The following KCNQ2 variants were observed in gnomAD, a reference collection of about 807,000 sequenced individuals.
KCNQ2 encodes potassium voltage-gated channel subfamily Q member 2.
KCNQ2 carries 14 observed loss-of-function variants against 84.8 expected under a neutral mutation model. That is an observed-to-expected ratio of 0.17 (90% CI 0.11 to 0.26). The LOEUF is 0.26. Ranked by LOEUF, KCNQ2 falls within the 10% of genes least tolerant of loss-of-function variation. The probability of loss-of-function intolerance (pLI) is 1.00; values close to 1 mark genes in which losing one functional copy is unlikely to be tolerated. For missense variants in KCNQ2, 788 were observed against 1,254.0 expected (o/e 0.63, Z 5.61); for synonymous variants, 599 against 554.1 (o/e 1.08, Z -1.14).
intron 4 of KCNQ2, among the ~76,000 whole-genome samples, chr20:63,443,439 TCACCAC>T (rs1568937880): frequency 0.013 from 300 of 23,810 alleles, 6 homozygotes; most frequent in African/African-American, 0.041. Flanking sequence ...ACCATCACCA[TCACCAC>T]CACCATCACC....
chr20:63,461,838 C>T (rs1371344668), intron 1 of KCNQ2, among the ~76,000 whole-genome samples: 1 of 140,428 alleles, frequency 7.1e-6, no homozygotes, highest in East Asian at 2.1e-4. Context: ...GCACCTACCC[C>T]GGGGCAGCAG....
At chr20:63,415,173 G>A (rs1002087140) in intron 12 of KCNQ2, 47 bp from the exon 13 acceptor site, 1 of 1,505,602 alleles carries the variant, frequency 6.6e-7, no homozygotes, top group Non-Finnish European at 9.1e-7. Flanking sequence ...AGGGAGAGAA[G>A]TCACTCTGCA....
intron 5 of KCNQ2, among the ~76,000 whole-genome samples, chr20:63,441,764 A>G (rs1300245495): frequency 6.6e-6 from 1 of 152,236 alleles, no homozygotes; most frequent in African/African-American, 2.4e-5. Context: ...TCCAGGTCTC[A>G]TGAAATTAAT....
chr20:63,436,872 G>A (rs2081026441), intron 7 of KCNQ2, among the ~76,000 whole-genome samples: 1 of 151,554 alleles, frequency 6.6e-6, no homozygotes, highest in African/African-American at 2.4e-5. Flanking sequence ...CGTCTCCCGG[G>A]TTCAAGTGAT....
chr20:63,421,886 C>G (rs1468267457), intron 11 of KCNQ2, among the ~76,000 whole-genome samples: 1 of 152,138 alleles, frequency 6.6e-6, no homozygotes, highest in Non-Finnish European at 1.5e-5. Flanking sequence ...CACCCGACCC[C>G]AACGTAGACG....
At chr20:63,454,989 C>A (rs2081735451) in intron 1 of KCNQ2, among the ~76,000 whole-genome samples, 1 of 152,258 alleles carries the variant, frequency 6.6e-6, no homozygotes, top group African/African-American at 2.4e-5. Flanking sequence ...CCACGGGGCA[C>A]TCAGCTGAGG....
intron 4 of KCNQ2, among the ~76,000 whole-genome samples, chr20:63,443,391 C>T (rs796830372): frequency 6.5e-4 from 13 of 19,866 alleles, no homozygotes; most frequent in African/African-American, 1.2e-3. Flanking sequence ...ATCACCACCA[C>T]CATCACCATC....
At chr20:63,472,008 C>T (rs894401818) in intron 1 of KCNQ2, among the ~76,000 whole-genome samples, 160 bp downstream of exon 1, 4 of 152,256 alleles carry the variant, frequency 2.6e-5, no homozygotes, top group East Asian at 3.9e-4. Flanking sequence ...AATCGCTCTC[C>T]GGTCTCGGCC....
chr20:63,443,117 C>CACCAT (rs774252686), intron 4 of KCNQ2, among the ~76,000 whole-genome samples: 1 of 68,138 alleles, frequency 1.5e-5, no homozygotes, highest in African/African-American at 5.5e-5. Flanking sequence ...ACCACCACCA[C>CACCAT]TATCACCACC....
intron 15 of KCNQ2, among the ~76,000 whole-genome samples, chr20:63,409,262 T>C (rs1017477045): frequency 4.6e-5 from 7 of 152,354 alleles, no homozygotes; most frequent in African/African-American, 1.7e-4. Context: ...CACAAGTTTC[T>C]GTGTGCACGC....
intron 1 of KCNQ2, among the ~76,000 whole-genome samples, chr20:63,455,440 A>C (rs1192445509): frequency 1.3e-5 from 2 of 152,154 alleles, no homozygotes; most frequent in Admixed American, 1.3e-4. Flanking sequence ...TCCCTGACGC[A>C]CAGCCCAGCC....
At position 63,472,244 on chromosome 20, in the gene KCNQ2, A is replaced by T; in HGVS notation, c.220T>A (p.Tyr74Asn). Residue 74 changes from tyrosine (Y) to asparagine (N), a missense_variant, in exon 1 of 17, where the codon TAC (tyrosine) becomes AAC (asparagine). Coordinates refer to ENST00000359125, the MANE Select transcript of KCNQ2 (RefSeq NM_172107.4). The part of the protein sequence containing the change: ...AGKPPKRNAF[Y>N]RKLQNFLYNV... Reference sequence around the variant, plus strand: ...TAGAGGAAATTCTGCAGCTTGCGGTAGAAGGCGTTGCGCTTGGGGGGCTTC... The same window carrying T: ...TAGAGGAAATTCTGCAGCTTGCGGTTGAAGGCGTTGCGCTTGGGGGGCTTC... 1.9e-6 allele frequency: 3 copies of T among 1,541,094 alleles called. No individual in the cohort carries two copies. Among genetic ancestry groups the T allele is most frequent in the Non-Finnish European group, 2.6e-6 (3 of 1,143,868 alleles).
At chr20:63,421,971 A>G (rs570313388) in intron 11 of KCNQ2, among the ~76,000 whole-genome samples, 248 of 152,174 alleles carry the variant, frequency 1.6e-3, no homozygotes, top group Non-Finnish European at 2.9e-3. Flanking sequence ...GCCTGCCACC[A>G]CGTGCCTGTG....
rs1415722981 is a variant in KCNQ2, at chr20:63,433,968, G to A, written c.1024-65C>T. The stretch of plus-strand genomic sequence containing the variant: ...GGCGAGGGGCGCGCCCAGGAGGGCC[G>A]GGCGTGGAGGGAACGGGGCAGAGGG... On this transcript the variant is annotated intron_variant, in intron 7 of 16. Transcript: ENST00000359125. The A allele has an allele frequency of 4.9e-6, 7 of 1,431,660 alleles. No homozygotes were observed. In the African/African-American group the frequency reaches 7.0e-5, roughly 14 times the overall value. 88.7% of individuals were successfully genotyped at this position (1,431,660 alleles called of 1,614,324 possible).
chr20:63,433,803 C>CG lies in KCNQ2; in HGVS notation c.1118+5dup, dbSNP rs2080901113. The CG allele has an allele frequency of 4.3e-6, 7 of 1,613,756 alleles. No individual in the cohort carries two copies. The highest frequency in any genetic ancestry group is 1.6e-4 in the Middle Eastern group (1 of 6,076). ...TTGCTTGGTGGCAGGTGCCCGGCGGCGGTACCTGTACATGGGCACGGTGAC... is the reference window on the plus strand; with the variant it reads ...TTGCTTGGTGGCAGGTGCCCGGCGGCGGGTACCTGTACATGGGCACGGTGAC... On this transcript the variant is annotated splice_donor_region_variant and intron_variant, in intron 8 of 16. Transcript: ENST00000359125.
rs111739716 is a variant in KCNQ2 at position 63,401,591 on chromosome 20, C to T, written c.*5053G>A. ...ACACAGGCTCCCCAGGCGGCCATTC[C>T]GTCCTGCAGCCCCTAAAGGCCCTGA... On this transcript the variant is annotated 3_prime_UTR_variant, in exon 17 of 17. Transcript: ENST00000359125. 0.016 allele frequency: 2,488 copies of T among 152,710 alleles called. 30 individuals are homozygous for T. The highest frequency in any genetic ancestry group is 0.023 in the Admixed American group (348 of 15,306). The allele number at this position is 152,710 out of a possible 1,614,324, so 9.5% of individuals were successfully genotyped here.
At chr20:63,435,276 TACTC>T (rs138011535) in intron 7 of KCNQ2, among the ~76,000 whole-genome samples, 5 of 151,914 alleles carry the variant, frequency 3.3e-5, no homozygotes, top group East Asian at 3.9e-4. Flanking sequence ...TAGTCCCAGT[TACTC>T]AGGAGGCTAA....
chr20:63,431,225 G>T (rs947783083), intron 9 of KCNQ2, 115 bp downstream of exon 9: 1 of 1,177,620 alleles, frequency 8.5e-7, no homozygotes, highest in Non-Finnish European at 1.3e-6. Context: ...CAGGGACAGT[G>T]GTCACTCTGC....
Position 63,414,007 on chromosome 20 carries a change from T to A in KCNQ2, c.1631+81A>T. 2 of 1,061,410 alleles carry A rather than the reference T, an allele frequency of 1.9e-6. No individual in the cohort carries two copies. The highest frequency in any genetic ancestry group is 2.9e-6 in the Non-Finnish European group (2 of 680,488). 65.7% of individuals were successfully genotyped at this position (1,061,410 alleles called of 1,614,324 possible). A position where few individuals can be genotyped will look rare whatever the true frequency, so the allele number is the denominator to read the frequency against. Reference sequence around the variant, plus strand: ...CTCTGGGCGGCTCTGTCCAGCACCATGAGCACCGGCAGCAGGCAGGACCAC... The same window carrying A: ...CTCTGGGCGGCTCTGTCCAGCACCAAGAGCACCGGCAGCAGGCAGGACCAC... On this transcript the variant is annotated intron_variant, in intron 14 of 16. Transcript: ENST00000359125. The surrounding 1 kb of genome is among the most constrained non-coding windows in gnomAD (Gnocchi z 6.6).
Sources: gnomAD v4.1 joint callset for allele counts (sites outside exome capture counted in the v4.1 genomes callset) on GRCh38, gnomAD v4.1.1 for gene constraint, Gnocchi (gnomAD v3.1) non-coding constraint, MANE v1.5 for transcripts, NCBI Gene and HGNC (gene_info 2026-07-23, HGNC 2026-07-21) for gene names.